MDGA2: variants seen among roughly 807,000 people sequenced by gnomAD.
MDGA2 encodes MAM domain-containing glycosylphosphatidylinositol anchor protein 2.
MDGA2 carries 40 observed loss-of-function variants against 117.8 expected under a neutral mutation model. The observed-to-expected ratio is 0.34, with a 90% CI of 0.26 to 0.44. The LOEUF is 0.44. Ranked by LOEUF, MDGA2 falls within the 20% of genes least tolerant of loss-of-function variation. The probability of loss-of-function intolerance (pLI) is 1.00; values close to 1 mark genes in which losing one functional copy is unlikely to be tolerated. For synonymous variants in MDGA2, 452 were observed against 439.0 expected (o/e 1.03, Z -0.37); for missense variants, 1,123 against 1,250.6 (o/e 0.90, Z 1.54).
chr14:46,953,850 T>C (rs973914931), intron 9 of MDGA2, among the ~76,000 whole-genome samples: 3 of 152,010 alleles, frequency 2.0e-5, no homozygotes, highest in Admixed American at 1.3e-4. Flanking sequence ...ACTTTATAAA[T>C]AAATGCTGCA....
chr14:47,059,540 A>G (rs1031336722), intron 7 of MDGA2, among the ~76,000 whole-genome samples: 8 of 152,086 alleles, frequency 5.3e-5, no homozygotes, highest in African/African-American at 1.9e-4. Flanking sequence ...ATAGTTTCAA[A>G]CAGGCAATAT....
chr14:47,327,444 C>A (rs913519571), intron 1 of MDGA2, among the ~76,000 whole-genome samples: 1 of 152,122 alleles, frequency 6.6e-6, no homozygotes, highest in African/African-American at 2.4e-5. Context: ...TCATCTGATT[C>A]TCCATAACAA....
intron 1 of MDGA2, among the ~76,000 whole-genome samples, chr14:47,433,914 T>C (rs1187303585): frequency 6.6e-6 from 1 of 152,166 alleles, no homozygotes; most frequent in East Asian, 1.9e-4. Flanking sequence ...TGTAAAGTTT[T>C]GCATGTGTTT....
chr14:47,403,961 G>C (rs1892207893), intron 1 of MDGA2, among the ~76,000 whole-genome samples: 1 of 151,968 alleles, frequency 6.6e-6, no homozygotes, highest in Non-Finnish European at 1.5e-5. Flanking sequence ...ACATACCCTT[G>C]TCTCACCATA....
intron 1 of MDGA2, among the ~76,000 whole-genome samples, chr14:47,552,321 C>T (rs1475408439): frequency 5.9e-5 from 9 of 152,200 alleles, no homozygotes; most frequent in Non-Finnish European, 8.8e-5. Flanking sequence ...ACTGTCTACT[C>T]AATGACTCCA....
chr14:47,347,457 C>T (rs1250871277), intron 1 of MDGA2, among the ~76,000 whole-genome samples: 2 of 151,970 alleles, frequency 1.3e-5, no homozygotes, highest in Non-Finnish European at 2.9e-5. Context: ...TGAGTAATAA[C>T]GGGCATAAAG....
chr14:47,622,023 T>C (rs1032570549), intron 1 of MDGA2, among the ~76,000 whole-genome samples: 1 of 152,184 alleles, frequency 6.6e-6, no homozygotes, highest in African/African-American at 2.4e-5. Flanking sequence ...TGTAACATAG[T>C]AAGTATTAAA....
intron 2 of MDGA2, among the ~76,000 whole-genome samples, chr14:47,234,739 C>T (rs1886803745): frequency 6.6e-6 from 1 of 152,100 alleles, no homozygotes; most frequent in African/African-American, 2.4e-5. Flanking sequence ...CTCACAGCAA[C>T]TCTCATTACA....
chr14:47,106,459 T>C (rs911004962), intron 5 of MDGA2, among the ~76,000 whole-genome samples: 2 of 151,954 alleles, frequency 1.3e-5, no homozygotes, highest in Non-Finnish European at 2.9e-5. Context: ...TTGCTACATG[T>C]GCCGGAAATC....
chr14:47,223,822 A>G (rs1886383183), intron 2 of MDGA2, among the ~76,000 whole-genome samples: 1 of 152,202 alleles, frequency 6.6e-6, no homozygotes. Flanking sequence ...ATGGCTGAGG[A>G]AGCCTCAAGA....
chr14:47,171,404 G>C (rs1011033420), intron 3 of MDGA2, among the ~76,000 whole-genome samples: 1 of 152,110 alleles, frequency 6.6e-6, no homozygotes, highest in African/African-American at 2.4e-5. Flanking sequence ...TGTTACCATT[G>C]AGAGAATTGA....
intron 6 of MDGA2, among the ~76,000 whole-genome samples, chr14:47,077,749 G>A (rs770137301): frequency 5.9e-5 from 9 of 151,776 alleles, no homozygotes; most frequent in Non-Finnish European, 1.2e-4. Context: ...TTTTACAATG[G>A]TAAGTCATAT....
intron 1 of MDGA2, among the ~76,000 whole-genome samples, chr14:47,511,656 T>C (rs544648269): frequency 5.3e-4 from 80 of 152,328 alleles, no homozygotes; most frequent in Non-Finnish European, 9.8e-4. Context: ...TTCCTGAGTA[T>C]AAAAATTGTT....
chr14:47,491,171 G>A (rs1894161399), intron 1 of MDGA2, among the ~76,000 whole-genome samples: 3 of 151,990 alleles, frequency 2.0e-5, no homozygotes. Context: ...AAGGCTTATA[G>A]CTAAACATGA....
intron 10 of MDGA2, among the ~76,000 whole-genome samples, chr14:46,914,050 G>A (rs1196214427): frequency 6.6e-6 from 1 of 151,894 alleles, no homozygotes; most frequent in Non-Finnish European, 1.5e-5. Context: ...GTATTTCTAT[G>A]GCTGAATATA....
intron 2 of MDGA2, among the ~76,000 whole-genome samples, chr14:47,218,851 T>C (rs1383979562): frequency 2.0e-5 from 3 of 152,118 alleles, no homozygotes; most frequent in African/African-American, 7.2e-5. Context: ...AGAACATTTC[T>C]ACTAAACTGC....
At chr14:47,169,338 A>C (rs1327810974) in intron 3 of MDGA2, among the ~76,000 whole-genome samples, 2 of 151,864 alleles carry the variant, frequency 1.3e-5, no homozygotes, top group African/African-American at 4.8e-5. Context: ...TTAATTATAC[A>C]AGGAATTGTG....
intron 2 of MDGA2, among the ~76,000 whole-genome samples, chr14:47,236,033 C>T (rs1259262811): frequency 8.5e-5 from 13 of 152,052 alleles, no homozygotes; most frequent in Admixed American, 7.9e-4. Flanking sequence ...ACTGTGGGGC[C>T]TGTAATCCCA....
At chr14:46,958,456 A>T (rs1885650730) in intron 8 of MDGA2, among the ~76,000 whole-genome samples, 1 of 152,174 alleles carries the variant, frequency 6.6e-6, no homozygotes, top group Non-Finnish European at 1.5e-5. Flanking sequence ...TAAATAAAGG[A>T]TTTATATGAT....
Sources: allele counts gnomAD v4.1 joint callset (sites outside exome capture counted in the v4.1 genomes callset), GRCh38; gene constraint gnomAD v4.1.1; transcripts MANE v1.5; gene names NCBI Gene and HGNC (gene_info 2026-07-23, HGNC 2026-07-21).